The following CCDC85A variants were observed in gnomAD, a reference collection of about 807,000 sequenced individuals.
CCDC85A encodes coiled-coil domain-containing protein 85A.
CCDC85A carries 38 observed loss-of-function variants against 50.2 expected under a neutral mutation model. That is an observed-to-expected ratio of 0.76 (90% confidence interval 0.58 to 0.99). The LOEUF is 0.99. Among genes scored for constraint, CCDC85A ranks in the 50% least tolerant of loss-of-function variants. The probability of loss-of-function intolerance (pLI) is 0.00; values close to 1 mark genes in which losing one functional copy is unlikely to be tolerated. For missense variants in CCDC85A, 820 were observed against 742.0 expected, an observed-to-expected ratio of 1.11 and a Z score of -1.22; for synonymous variants, 366 against 301.4, an observed-to-expected ratio of 1.21 and a Z score of -2.22.
intron 2 of CCDC85A, among the ~76,000 whole-genome samples, chr2:56,299,226 G>T (rs144259508): frequency 2.0e-5 from 3 of 152,250 alleles, no homozygotes; most frequent in Admixed American, 6.5e-5. Context: ...CTGCCAATTT[G>T]GTAACTACGA....
intron 2 of CCDC85A, among the ~76,000 whole-genome samples, chr2:56,265,894 A>C (rs1198371186): frequency 6.6e-6 from 1 of 152,192 alleles, no homozygotes; most frequent in Non-Finnish European, 1.5e-5. Flanking sequence ...AATCAATCTA[A>C]GTGTCCAACA....
chr2:56,336,280 G>A (rs1192170165), intron 2 of CCDC85A, among the ~76,000 whole-genome samples: 1 of 151,906 alleles, frequency 6.6e-6, no homozygotes, highest in Non-Finnish European at 1.5e-5. Flanking sequence ...TCAGCCTCTC[G>A]AGTAGCGGGA....
intron 2 of CCDC85A, among the ~76,000 whole-genome samples, chr2:56,341,298 G>T (rs957814580): frequency 1.3e-5 from 2 of 152,060 alleles, no homozygotes; most frequent in African/African-American, 4.8e-5. Flanking sequence ...ACAGTACCAG[G>T]TTTTTTCTAT....
At chr2:56,208,369 T>C (rs1677037771) in intron 2 of CCDC85A, among the ~76,000 whole-genome samples, 1 of 152,170 alleles carries the variant, frequency 6.6e-6, no homozygotes, top group Non-Finnish European at 1.5e-5. Context: ...TATTACCCCA[T>C]TGCACACACA....
At chr2:56,215,152 T>G (rs1450238606) in intron 2 of CCDC85A, among the ~76,000 whole-genome samples, 1 of 151,936 alleles carries the variant, frequency 6.6e-6, no homozygotes, top group Non-Finnish European at 1.5e-5. Context: ...TACTTTTTCT[T>G]ACATTTCAAA....
chr2:56,369,304 G>A (rs994221852), intron 3 of CCDC85A, among the ~76,000 whole-genome samples: 6 of 152,036 alleles, frequency 3.9e-5, no homozygotes, highest in African/African-American at 7.2e-5. Context: ...AATGTTGTAC[G>A]TCTTTAAATA....
chr2:56,384,654 G>A lies in CCDC85A; in HGVS notation c.*299G>A, dbSNP rs1352730685. The A allele has an allele frequency of 3.7e-6, 1 of 272,616 alleles. No individual in the cohort carries two copies. The highest frequency in any genetic ancestry group is 2.2e-5 in the African/African-American group (1 of 46,356). The allele number at this position is 272,616 out of a possible 1,614,324, so 16.9% of individuals were successfully genotyped here. A position where few individuals can be genotyped will look rare whatever the true frequency, so the allele number is the denominator to read the frequency against. On this transcript the variant is annotated 3_prime_UTR_variant, in exon 6 of 6. Transcript: ENST00000407595. ...ACCAGTGTTTTCATTAGAAATAAGT[G>A]TTTTTAACTCCCCAGATATAATATT...
chr2:56,317,308 T>C (rs892164576), intron 2 of CCDC85A, among the ~76,000 whole-genome samples: 12 of 152,268 alleles, frequency 7.9e-5, no homozygotes, highest in African/African-American at 2.6e-4. Flanking sequence ...TCCAAGTTAA[T>C]TGGAGATTTA....
At position 56,298,437 on chromosome 2, in the gene CCDC85A, C is replaced by T. The variant is rs77459363; in HGVS notation, c.1241-44442C>T. On this transcript the variant is annotated intron_variant, in intron 2 of 5. Transcript: ENST00000407595. Reference sequence around the variant, plus strand: ...CGTTTGGAAAAAAAGTGATCTTGATCTGCCATTGGTTAAAGAAACATTTTA... The same window carrying T: ...CGTTTGGAAAAAAAGTGATCTTGATTTGCCATTGGTTAAAGAAACATTTTA... 9.7e-4 allele frequency among the ~76,000 whole-genome samples: 147 copies of T among 152,284 alleles called. 1 individual carries two copies. The East Asian group carries it at 0.014, about 14-fold the overall frequency.
intron 2 of CCDC85A, among the ~76,000 whole-genome samples, chr2:56,318,459 G>A (rs965031040): frequency 6.6e-6 from 1 of 152,024 alleles, no homozygotes; most frequent in African/African-American, 2.4e-5. Context: ...GGCCTAGTCT[G>A]ATCATCCAGT....
chr2:56,219,969 G>C (rs557474729), intron 2 of CCDC85A, among the ~76,000 whole-genome samples: 3 of 152,078 alleles, frequency 2.0e-5, no homozygotes, highest in Admixed American at 2.0e-4. Flanking sequence ...TGATCTATGG[G>C]AACAAAGAGT....
intron 5 of CCDC85A, among the ~76,000 whole-genome samples, chr2:56,376,158 TG>T (rs1676327923): frequency 7.6e-6 from 1 of 131,666 alleles, no homozygotes; most frequent in African/African-American, 3.3e-5. Flanking sequence ...TTTATCGTTT[TG>T]TTTTGAGAAT....
intron 1 of CCDC85A, among the ~76,000 whole-genome samples, chr2:56,187,253 T>C (rs1470234815): frequency 6.6e-6 from 1 of 152,264 alleles, no homozygotes; most frequent in Non-Finnish European, 1.5e-5. Flanking sequence ...TTGAGAACTA[T>C]AAATGTAGGG....
At chr2:56,316,158 C>T (rs1672912385) in intron 2 of CCDC85A, among the ~76,000 whole-genome samples, 1 of 152,138 alleles carries the variant, frequency 6.6e-6, no homozygotes, top group Admixed American at 6.6e-5. Context: ...TGAGATTATA[C>T]ATTTCAAATA....
intron 3 of CCDC85A, among the ~76,000 whole-genome samples, chr2:56,363,878 C>G (rs1281807139): frequency 6.6e-6 from 1 of 152,208 alleles, no homozygotes; most frequent in Non-Finnish European, 1.5e-5. Flanking sequence ...CCGTGTCCTA[C>G]TTGTGCTTTC....
At chr2:56,309,017 A>G (rs1672568721) in intron 2 of CCDC85A, among the ~76,000 whole-genome samples, 1 of 152,182 alleles carries the variant, frequency 6.6e-6, no homozygotes. Context: ...AAATTCTCCA[A>G]CTGGGACTTG....
In CCDC85A at chr2:56,184,798, C is replaced by T. The variant is rs1349928267; in HGVS notation, c.174C>T (p.Arg58=). 6.5e-7 allele frequency: 1 copy of T among 1,546,250 alleles called. No homozygotes were observed. ...AGGAGCTGATCCGCAGCCTGCGGCG[C>T]GCCGAGGCGGAGAAGGTGAGCGCGA... ...SKEELIRSLR[R]AEAEKVSAML... The change falls in exon 1 of 6, where the codon CGC becomes CGT. Residue 58 remains arginine (R), a synonymous_variant. Coordinates refer to ENST00000407595, the MANE Select transcript of CCDC85A (RefSeq NM_001080433.2).
At chr2:56,365,463 A>G (rs1675745071) in intron 3 of CCDC85A, among the ~76,000 whole-genome samples, 3 of 152,046 alleles carry the variant, frequency 2.0e-5, no homozygotes, top group South Asian at 4.1e-4. Flanking sequence ...AGCTATTCCA[A>G]CCAATCTGAC....
chr2:56,238,798 C>G (rs1464564228), intron 2 of CCDC85A, among the ~76,000 whole-genome samples: 1 of 152,006 alleles, frequency 6.6e-6, no homozygotes, highest in South Asian at 2.1e-4. Context: ...CTACATAAAA[C>G]CAGTCTTATG....
Sources: allele counts gnomAD v4.1 joint callset (sites outside exome capture counted in the v4.1 genomes callset), GRCh38; gene constraint gnomAD v4.1.1; transcripts MANE v1.5; gene names NCBI Gene and HGNC (gene_info 2026-07-23, HGNC 2026-07-21).